WWOX: variants seen among roughly 807,000 people sequenced by gnomAD.
The protein encoded by WWOX is WW domain-containing oxidoreductase.
In WWOX, 69 loss-of-function variants were observed where a neutral mutation model predicts 46.2. The observed-to-expected ratio is 1.49, with a 90% CI of 1.23 to 1.82. The LOEUF is 1.82. Among genes scored for constraint, WWOX ranks in the 40% most tolerant of loss-of-function variants. The pLI is 0.00. For missense variants in WWOX, 919 were observed against 542.6 expected (o/e 1.69, Z -6.89); for synonymous variants, 359 against 202.6 (o/e 1.77, Z -6.56).
chr16:78,784,760 C>G (rs1461740182), intron 8 of WWOX, among the ~76,000 whole-genome samples: 8 of 152,088 alleles, frequency 5.3e-5, no homozygotes, highest in Admixed American at 4.6e-4. Flanking sequence ...GAAGAGAGCA[C>G]AGTGACTGCA....
chr16:78,948,378 C>T (rs144053233), intron 8 of WWOX, among the ~76,000 whole-genome samples: 3 of 152,308 alleles, frequency 2.0e-5, no homozygotes, highest in African/African-American at 7.2e-5. Context: ...GCACTCACAC[C>T]TAACAGATCT....
chr16:78,612,851 C>T (rs1055828990), intron 8 of WWOX, among the ~76,000 whole-genome samples: 3 of 152,202 alleles, frequency 2.0e-5, no homozygotes, highest in Non-Finnish European at 4.4e-5. Context: ...ATTAGAACCA[C>T]CGTCTCTAAG....
chr16:78,358,189 C>G (rs12925811), intron 5 of WWOX, among the ~76,000 whole-genome samples: 1 of 152,104 alleles, frequency 6.6e-6, no homozygotes, highest in African/African-American at 2.4e-5. Flanking sequence ...AACAATTCTC[C>G]TATCGAAAGA....
At chr16:78,781,642 C>A (rs560203271) in intron 8 of WWOX, among the ~76,000 whole-genome samples, 132 of 152,226 alleles carry the variant, frequency 8.7e-4, no homozygotes, top group Admixed American at 7.8e-3. Flanking sequence ...GAATATTGGG[C>A]CGGGCTTGGT....
At chr16:78,825,437 A>G (rs1597676663) in intron 8 of WWOX, 2 of 354,364 alleles carry the variant, frequency 5.6e-6, no homozygotes, top group East Asian at 6.9e-5. Context: ...ATCTTAGCCA[A>G]CAGAACAAAA....
At chr16:78,882,133 A>G (rs557752384) in intron 8 of WWOX, among the ~76,000 whole-genome samples, 3 of 152,346 alleles carry the variant, frequency 2.0e-5, no homozygotes, top group East Asian at 1.9e-4. Context: ...TTACAAAACA[A>G]AAACAAAGAA....
intron 8 of WWOX, among the ~76,000 whole-genome samples, chr16:79,113,168 C>A (rs1168040767): frequency 6.6e-6 from 1 of 152,138 alleles, no homozygotes; most frequent in Non-Finnish European, 1.5e-5. Flanking sequence ...AATATACAAG[C>A]TCAATGTGGA....
intron 8 of WWOX, among the ~76,000 whole-genome samples, chr16:78,710,498 A>ATATATATATATATATT (rs941311575): frequency 3.0e-5 from 4 of 132,834 alleles, no homozygotes; most frequent in African/African-American, 8.6e-5. Context: ...ATATATATAT[A>ATATATATATATATATT]TTTATATAAA....
chr16:79,009,852 T>C (rs2047268127), intron 8 of WWOX, among the ~76,000 whole-genome samples: 2 of 152,166 alleles, frequency 1.3e-5, no homozygotes, highest in Admixed American at 6.5e-5. Flanking sequence ...GGCTTCGACC[T>C]CATCTGGGAA....
At chr16:78,622,483 A>G (rs1421415156) in intron 8 of WWOX, among the ~76,000 whole-genome samples, 1 of 151,876 alleles carries the variant, frequency 6.6e-6, no homozygotes, top group African/African-American at 2.4e-5. Flanking sequence ...CGGGGGTTGC[A>G]GGGAGCTGAG....
chr16:78,858,451 A>C (rs2052621236), intron 8 of WWOX, among the ~76,000 whole-genome samples: 2 of 152,090 alleles, frequency 1.3e-5, no homozygotes, highest in Admixed American at 1.3e-4. Context: ...TTGAAGAATA[A>C]TACATGTATT....
chr16:79,098,697 C>G lies in WWOX; in HGVS notation c.1057-112911C>G, dbSNP rs183053733. 1.4e-3 allele frequency among the ~76,000 whole-genome samples: 218 copies of G among 152,270 alleles called. 1 individual carries two copies. The highest frequency in any genetic ancestry group is 7.4e-4 in the Non-Finnish European group (50 of 68,026). On this transcript the variant is annotated intron_variant, in intron 8 of 8. Transcript: ENST00000566780. ...AGAAGGAATTGCACACAATACATGTCTACTAGGCAGGTCAACATAAATGAG... is the reference window on the plus strand; with the variant it reads ...AGAAGGAATTGCACACAATACATGTGTACTAGGCAGGTCAACATAAATGAG...
chr16:78,990,944 G>A (rs1451194419), intron 8 of WWOX, among the ~76,000 whole-genome samples: 3 of 152,212 alleles, frequency 2.0e-5, no homozygotes, highest in Non-Finnish European at 2.9e-5. Context: ...AAGAAGAACC[G>A]ACCTCCAGGG....
At chr16:79,104,609 A>C (rs1045989238) in intron 8 of WWOX, among the ~76,000 whole-genome samples, 4 of 152,216 alleles carry the variant, frequency 2.6e-5, no homozygotes, top group Non-Finnish European at 4.4e-5. Context: ...GTTGAGGCAG[A>C]TAGATGCACA....
intron 5 of WWOX, among the ~76,000 whole-genome samples, chr16:78,293,515 G>A (rs928864622): frequency 3.9e-5 from 6 of 152,088 alleles, no homozygotes; most frequent in African/African-American, 1.4e-4. Flanking sequence ...TGGATCACTT[G>A]TCTTCTCCTC....
chr16:78,154,959 C>T (rs992353110), intron 4 of WWOX, among the ~76,000 whole-genome samples: 4 of 152,136 alleles, frequency 2.6e-5, no homozygotes, highest in Non-Finnish European at 4.4e-5. Context: ...ATGCCAGCAG[C>T]ACGGGTGATG....
chr16:78,891,685 T>A (rs1324725754), intron 8 of WWOX: 1 of 152,222 alleles, frequency 6.6e-6, no homozygotes, highest in Non-Finnish European at 1.5e-5. Flanking sequence ...AAGCTGTCTG[T>A]TTGCTCTAAC....
intron 8 of WWOX, among the ~76,000 whole-genome samples, chr16:78,574,213 G>C (rs1397596519): frequency 1.3e-5 from 2 of 152,128 alleles, no homozygotes; most frequent in Admixed American, 1.3e-4. Context: ...GGGGCAAGTT[G>C]GTCAACAAGA....
At chr16:78,709,248 C>G (rs996596439) in intron 8 of WWOX, among the ~76,000 whole-genome samples, 1 of 152,308 alleles carries the variant, frequency 6.6e-6, no homozygotes, top group East Asian at 1.9e-4. Flanking sequence ...GCTTTTATCC[C>G]GTAATCTCTG....
Sources: allele counts gnomAD v4.1 joint callset (sites outside exome capture counted in the v4.1 genomes callset), GRCh38; gene constraint gnomAD v4.1.1; transcripts MANE v1.5; gene names NCBI Gene and HGNC (gene_info 2026-07-23, HGNC 2026-07-21).